Variants in TNFAIP8 observed in about 807,000 individuals in gnomAD.
TNFAIP8 encodes tumor necrosis factor alpha-induced protein 8.
In TNFAIP8, 7 loss-of-function variants were observed where a neutral mutation model predicts 13.3. The ratio of observed to expected loss-of-function variants is 0.52; its 90% CI spans 0.30 to 0.99. TNFAIP8 has a LOEUF of 0.99. TNFAIP8 is among the 50% of genes least tolerant of loss of function. The pLI, the probability that TNFAIP8 is intolerant of heterozygous loss-of-function variation, is 0.07. For missense variants in TNFAIP8, 258 were observed against 236.9 expected, an observed-to-expected ratio of 1.09 and a Z score of -0.58; for synonymous variants, 94 against 87.6, an observed-to-expected ratio of 1.07 and a Z score of -0.41.
intron 1 of TNFAIP8, among the ~76,000 whole-genome samples, chr5:119,270,471 A>C (rs546318278): frequency 1.3e-5 from 2 of 152,312 alleles, no homozygotes; most frequent in South Asian, 4.1e-4. Context: ...TATGTTGTCC[A>C]AGGTGGTCTT....
At chr5:119,305,662 A>G (rs924878499) in intron 1 of TNFAIP8, among the ~76,000 whole-genome samples, 3 of 152,146 alleles carry the variant, frequency 2.0e-5, no homozygotes, top group African/African-American at 2.4e-5. Flanking sequence ...ATTGCCTCAA[A>G]TCTACTTTTT....
At chr5:119,283,670 G>T (rs1416139912) in intron 1 of TNFAIP8, among the ~76,000 whole-genome samples, 5 of 152,082 alleles carry the variant, frequency 3.3e-5, no homozygotes. Flanking sequence ...TCTGTTCCTT[G>T]TCAGTGCCCT....
chr5:119,314,408 C>G (rs1361082006), intron 1 of TNFAIP8, among the ~76,000 whole-genome samples: 2 of 152,226 alleles, frequency 1.3e-5, no homozygotes, highest in Non-Finnish European at 2.9e-5. Context: ...TGTTTCCTCT[C>G]TCTGTCATAT....
chr5:119,359,853 G>T (rs183934365), intron 1 of TNFAIP8, among the ~76,000 whole-genome samples: 2 of 152,358 alleles, frequency 1.3e-5, no homozygotes, highest in East Asian at 3.9e-4. Context: ...CATACATAAT[G>T]TAAAAGGTAC....
intron 1 of TNFAIP8, among the ~76,000 whole-genome samples, chr5:119,361,440 T>G (rs1290978768): frequency 6.6e-6 from 1 of 152,072 alleles, no homozygotes; most frequent in Non-Finnish European, 1.5e-5. Context: ...ATTTATATGG[T>G]TTTGAAGATG....
chr5:119,300,387 G>A (rs149203863), intron 1 of TNFAIP8, among the ~76,000 whole-genome samples: 128 of 152,306 alleles, frequency 8.4e-4, no homozygotes, highest in African/African-American at 2.9e-3. Flanking sequence ...ATTACAATGA[G>A]CTTTACTGCT....
intron 1 of TNFAIP8, among the ~76,000 whole-genome samples, chr5:119,349,388 C>A (rs1404937330): frequency 2.0e-5 from 3 of 152,230 alleles, no homozygotes; most frequent in African/African-American, 7.2e-5. Flanking sequence ...TAAGTGACTT[C>A]ATTCTTATTG....
At chr5:119,321,749 C>G (rs1165357277) in intron 1 of TNFAIP8, among the ~76,000 whole-genome samples, 2 of 152,186 alleles carry the variant, frequency 1.3e-5, no homozygotes, top group African/African-American at 4.8e-5. Flanking sequence ...TGTGCTCTTG[C>G]ACTGTCACTC....
intron 1 of TNFAIP8, among the ~76,000 whole-genome samples, chr5:119,308,365 T>C (rs1749628683): frequency 6.6e-6 from 1 of 151,702 alleles, no homozygotes; most frequent in Non-Finnish European, 1.5e-5. Context: ...TTGAAATCTA[T>C]ATTTTTCTCT....
At chr5:119,344,927 A>G (rs1471623465) in intron 1 of TNFAIP8, among the ~76,000 whole-genome samples, 3 of 152,234 alleles carry the variant, frequency 2.0e-5, no homozygotes, top group African/African-American at 7.2e-5. Flanking sequence ...CTAAGGAACC[A>G]TTCAAGCAGA....
At chr5:119,330,682 T>C (rs1420852729) in intron 1 of TNFAIP8, among the ~76,000 whole-genome samples, 2 of 152,210 alleles carry the variant, frequency 1.3e-5, no homozygotes, top group Admixed American at 6.5e-5. Context: ...TGATAGTCTC[T>C]TGCTCTGAGA....
At chr5:119,366,370 T>C (rs1751858724) in intron 1 of TNFAIP8, among the ~76,000 whole-genome samples, 1 of 152,102 alleles carries the variant, frequency 6.6e-6, no homozygotes, top group South Asian at 2.1e-4. Flanking sequence ...CTAGTGCTTC[T>C]GAGGCAGGAT....
At chr5:119,385,434 C>T (rs1752632469) in intron 1 of TNFAIP8, among the ~76,000 whole-genome samples, 1 of 152,166 alleles carries the variant, frequency 6.6e-6, no homozygotes, top group African/African-American at 2.4e-5. Context: ...CATCTTGCTG[C>T]TGTTGCATAG....
intron 1 of TNFAIP8, among the ~76,000 whole-genome samples, chr5:119,271,859 A>G (rs1748302569): frequency 1.3e-5 from 2 of 152,156 alleles, no homozygotes; most frequent in South Asian, 2.1e-4. Context: ...AGAACTCAAC[A>G]AACACTGAAA....
intron 1 of TNFAIP8, among the ~76,000 whole-genome samples, chr5:119,367,728 T>A (rs1751913705): frequency 6.6e-6 from 1 of 152,172 alleles, no homozygotes; most frequent in Non-Finnish European, 1.5e-5. Context: ...GACAAACCAG[T>A]TTCCAGGCTT....
chr5:119,304,785 C>T (rs999675871), intron 1 of TNFAIP8, among the ~76,000 whole-genome samples: 2 of 152,200 alleles, frequency 1.3e-5, no homozygotes, highest in Non-Finnish European at 2.9e-5. Flanking sequence ...GCACAGGTTT[C>T]CCTTTTGGAT....
intron 1 of TNFAIP8, among the ~76,000 whole-genome samples, chr5:119,348,156 T>G (rs949333519): frequency 1.3e-5 from 2 of 152,200 alleles, no homozygotes; most frequent in Admixed American, 1.3e-4. Context: ...AGATTATCAC[T>G]GGGTGTCTTG....
intron 1 of TNFAIP8, among the ~76,000 whole-genome samples, chr5:119,318,389 A>G (rs1031732649): frequency 1.3e-5 from 2 of 152,182 alleles, no homozygotes; most frequent in Admixed American, 6.5e-5. Context: ...CCTGGGCTCC[A>G]GCAATCCTCC....
chr5:119,356,050 T>C lies in TNFAIP8; in HGVS notation c.-41T>C, dbSNP rs200554263. 6.2e-4 allele frequency: 960 copies of C among 1,556,882 alleles called. 8 individuals are homozygous for C. The African/African-American group carries it at 0.012, about 20-fold the overall frequency. On this transcript the variant is annotated 5_prime_UTR_variant, in exon 1 of 2. It removes an upstream start codon present in the reference 5' UTR. Coordinates refer to ENST00000504771, the MANE Select transcript of TNFAIP8 (RefSeq NM_014350.4). ...CGAACTTGCGGCTCGTCCGAGTACA[T>C]GTGAGCGGTAATCGCCCCTGCAGCT...
Sources: allele counts gnomAD v4.1 joint callset (sites outside exome capture counted in the v4.1 genomes callset), GRCh38; gene constraint gnomAD v4.1.1; transcripts MANE v1.5; gene names NCBI Gene and HGNC (gene_info 2026-07-23, HGNC 2026-07-21).